PTPN21: variants seen among roughly 807,000 people sequenced by gnomAD.
PTPN21 encodes the protein tyrosine-protein phosphatase non-receptor type 21.
Under a neutral mutation model 131.8 loss-of-function variants are expected in PTPN21, and 77 were observed. The ratio of observed to expected loss-of-function variants is 0.58; its 90% CI spans 0.49 to 0.71. The LOEUF (loss-of-function observed/expected upper bound fraction) is 0.71. Ranked by LOEUF, PTPN21 falls within the 30% of genes least tolerant of loss-of-function variation. PTPN21 has a pLI of 0.00. For missense variants in PTPN21, 1,552 were observed against 1,527.1 expected, an observed-to-expected ratio of 1.02 and a Z score of -0.27; for synonymous variants, 715 against 621.3, an observed-to-expected ratio of 1.15 and a Z score of -2.24.
At chr14:88,524,170 A>G (rs1351389281) in intron 2 of PTPN21, among the ~76,000 whole-genome samples, 3 of 152,204 alleles carry the variant, frequency 2.0e-5, no homozygotes, top group African/African-American at 7.2e-5. Flanking sequence ...AATAGCCAAA[A>G]CAATACTGAA....
At chr14:88,521,521 G>GC (rs2078392279) in intron 2 of PTPN21, among the ~76,000 whole-genome samples, 1 of 149,582 alleles carries the variant, frequency 6.7e-6, no homozygotes, top group Non-Finnish European at 1.5e-5. Flanking sequence ...TCCTGCCTCA[G>GC]CCTCCCAAGT....
At chr14:88,507,072 T>G (rs1055036776) in intron 4 of PTPN21, among the ~76,000 whole-genome samples, 3 of 151,600 alleles carry the variant, frequency 2.0e-5, no homozygotes, top group South Asian at 4.2e-4. Flanking sequence ...ACTAAATAAA[T>G]AAGAAGAACT....
intron 2 of PTPN21, among the ~76,000 whole-genome samples, chr14:88,523,750 CACACA>C (rs1412294800): frequency 6.4e-4 from 97 of 151,946 alleles, no homozygotes; most frequent in Non-Finnish European, 1.3e-3. Flanking sequence ...CACACACACA[CACACA>C]CCCCTGCCCT....
At chr14:88,530,438 T>C (rs2078540112) in intron 2 of PTPN21, among the ~76,000 whole-genome samples, 1 of 152,184 alleles carries the variant, frequency 6.6e-6, no homozygotes, top group African/African-American at 2.4e-5. Context: ...CACATTTCAG[T>C]ACTAACCTTG....
At chr14:88,488,855 C>T (rs1206295142) in intron 10 of PTPN21, among the ~76,000 whole-genome samples, 1 of 152,068 alleles carries the variant, frequency 6.6e-6, no homozygotes, top group Non-Finnish European at 1.5e-5. Context: ...AAAAAGTCTA[C>T]CAGCCCAAGT....
At chr14:88,536,054 A>C (rs2078627017) in intron 2 of PTPN21, among the ~76,000 whole-genome samples, 2 of 152,142 alleles carry the variant, frequency 1.3e-5, no homozygotes, top group Admixed American at 1.3e-4. Flanking sequence ...CTCTTTCTCC[A>C]CAGCTGCATC....
chr14:88,494,263 G>T (rs1025817270), intron 10 of PTPN21, among the ~76,000 whole-genome samples: 1 of 152,112 alleles, frequency 6.6e-6, no homozygotes, highest in African/African-American at 2.4e-5. Flanking sequence ...AGGCACATCT[G>T]CAGCCTAGCC....
chr14:88,515,213 T>TAGCTATATATTA (rs920991153), intron 3 of PTPN21: 2 of 152,194 alleles, frequency 1.3e-5, no homozygotes, highest in African/African-American at 4.8e-5. Context: ...TTGTTATATA[T>TAGCTATATATTA]AGCTATACTT....
intron 2 of PTPN21, among the ~76,000 whole-genome samples, chr14:88,526,465 G>A (rs188268392): frequency 3.3e-4 from 46 of 137,730 alleles, no homozygotes; most frequent in African/African-American, 1.2e-3. Flanking sequence ...CAGGAGAATC[G>A]CTTGAACCTG....
Position 88,469,027 on chromosome 14 carries a change from A to G in PTPN21, c.3285T>C (p.Ser1095=), listed in dbSNP as rs768122480. 6.2e-7 allele frequency: 1 copy of G among 1,614,192 alleles called. No individual in the cohort carries two copies. The highest frequency in any genetic ancestry group is 8.5e-7 in the Non-Finnish European group (1 of 1,180,024). Residue 1095 remains serine, a synonymous_variant, in exon 18 of 19, where the codon AGT becomes AGC. Coordinates refer to ENST00000556564, the MANE Select transcript of PTPN21 (RefSeq NM_007039.4). The surrounding 1 kb of genome is among the most constrained non-coding windows in gnomAD (Gnocchi z 4.3). ...ACGGAGGGTTGGGGCTTTGGGGATC[A>G]CTTGTGCTATTTGTATGGCGTCGAA... ...QSVRRHTNST[S]DPQSPNPPLL...
intron 2 of PTPN21, among the ~76,000 whole-genome samples, chr14:88,536,769 A>G (rs1182303035): frequency 3.9e-5 from 6 of 152,240 alleles, no homozygotes; most frequent in African/African-American, 1.4e-4. Flanking sequence ...AATTGCAAAT[A>G]TAATTTCATC....
rs187837182 is a variant in PTPN21, at chr14:88,522,083, T to C, written c.181-4822A>G. Among the ~76,000 whole-genome samples, 31 of 152,202 alleles carry C rather than the reference T, an allele frequency of 2.0e-4. 2 individuals are homozygous for C. The highest frequency in any genetic ancestry group is 1.6e-3 in the Admixed American group (24 of 15,288). On this transcript the variant is annotated intron_variant, in intron 2 of 18. Transcript: ENST00000556564. Reference sequence around the variant, plus strand: ...TTAGTTTTTCACAAATTATAGACCATAGAAGAGAGTAGCGAGAACTTTATC... The same window carrying C: ...TTAGTTTTTCACAAATTATAGACCACAGAAGAGAGTAGCGAGAACTTTATC...
At chr14:88,495,274 A>G (rs2077893157) in intron 10 of PTPN21, among the ~76,000 whole-genome samples, 1 of 152,174 alleles carries the variant, frequency 6.6e-6, no homozygotes, top group Non-Finnish European at 1.5e-5. Flanking sequence ...CTACCTTCAG[A>G]ATATACAGGC....
At chr14:88,523,655 T>C (rs1438106741) in intron 2 of PTPN21, among the ~76,000 whole-genome samples, 1 of 151,692 alleles carries the variant, frequency 6.6e-6, no homozygotes, top group East Asian at 1.9e-4. Context: ...AGTAAAACTA[T>C]CTATGTACAG....
chr14:88,538,940 A>G (rs978276434), intron 2 of PTPN21, among the ~76,000 whole-genome samples: 2 of 152,242 alleles, frequency 1.3e-5, no homozygotes, highest in Non-Finnish European at 2.9e-5. Flanking sequence ...ACAAGTGCTC[A>G]AGTAATACGA....
intron 10 of PTPN21, among the ~76,000 whole-genome samples, chr14:88,487,725 G>A (rs1595361427): frequency 6.6e-6 from 1 of 151,894 alleles, no homozygotes; most frequent in African/African-American, 2.4e-5. Context: ...AAGTCTGCAT[G>A]GCGTGTCTGG....
chr14:88,529,410 G>A (rs1343776352), intron 2 of PTPN21, among the ~76,000 whole-genome samples: 1 of 152,050 alleles, frequency 6.6e-6, no homozygotes, highest in Non-Finnish European at 1.5e-5. Flanking sequence ...GTTCATCAGG[G>A]ATACTGGTCT....
chr14:88,508,216 A>G (rs1380170858), intron 3 of PTPN21, among the ~76,000 whole-genome samples, 196 bp from the exon 4 acceptor site: 1 of 149,318 alleles, frequency 6.7e-6, no homozygotes, highest in Non-Finnish European at 1.5e-5. Flanking sequence ...TGGCATGATT[A>G]CTGCTCACTG....
chr14:88,471,371 A>G (rs1314636960), intron 15 of PTPN21, among the ~76,000 whole-genome samples: 1 of 152,210 alleles, frequency 6.6e-6, no homozygotes, highest in Non-Finnish European at 1.5e-5. Flanking sequence ...GCTTTATTCC[A>G]TCATGTGTTG....
Sources: gnomAD v4.1 joint callset for allele counts (sites outside exome capture counted in the v4.1 genomes callset) on GRCh38, gnomAD v4.1.1 for gene constraint, Gnocchi (gnomAD v3.1) non-coding constraint, MANE v1.5 for transcripts, NCBI Gene and HGNC (gene_info 2026-07-23, HGNC 2026-07-21) for gene names.